INPP5F: variants seen among roughly 807,000 people sequenced by gnomAD.
INPP5F encodes phosphatidylinositide 4-phosphatase SAC2.
In INPP5F, 97 loss-of-function variants were observed where a neutral mutation model predicts 137.2. The observed-to-expected ratio is 0.71, with a 90% CI of 0.60 to 0.84. The LOEUF (loss-of-function observed/expected upper bound fraction) is 0.84, where lower values mean the gene tolerates loss of function less well. Ranked by LOEUF, INPP5F falls within the 40% of genes least tolerant of loss-of-function variation. The pLI, the probability that INPP5F is intolerant of heterozygous loss-of-function variation, is 0.00. For missense variants in INPP5F, 1,271 were observed against 1,371.9 expected, an observed-to-expected ratio of 0.93 and a Z score of 1.16; for synonymous variants, 504 against 476.9, an observed-to-expected ratio of 1.06 and a Z score of -0.74.
intron 1 of INPP5F, among the ~76,000 whole-genome samples, chr10:119,750,854 C>T (rs1226350380): frequency 1.3e-5 from 2 of 152,196 alleles, no homozygotes; most frequent in East Asian, 3.8e-4. Flanking sequence ...CTGAATGTTA[C>T]TGCTTTCCCC....
intron 2 of INPP5F, among the ~76,000 whole-genome samples, chr10:119,779,103 A>G (rs761171614): frequency 6.6e-6 from 1 of 152,126 alleles, no homozygotes; most frequent in Non-Finnish European, 1.5e-5. Flanking sequence ...TTGTTTTTGT[A>G]CAAATGGGTG....
At position 119,821,667 on chromosome 10, in the gene INPP5F, T is replaced by A. The variant is rs147050145; in HGVS notation, c.1958+750T>A. Among the ~76,000 whole-genome samples the A allele has an allele frequency of 4.4e-3, 670 of 152,262 alleles. 4 individuals are homozygous for A. The highest frequency in any genetic ancestry group is 0.015 in the African/African-American group (633 of 41,532). On this transcript the variant is annotated intron_variant, in intron 16 of 19. Transcript: ENST00000650623. ...ATTTAACAGCTGTATTGTTCCCAAA[T>A]ACATAGTTTGTTTCTCTTTCTGTCT...
chr10:119,785,159 TATAAGCC>T (rs1000085545), intron 3 of INPP5F, among the ~76,000 whole-genome samples: 2 of 152,122 alleles, frequency 1.3e-5, no homozygotes, highest in African/African-American at 4.8e-5. Context: ...ATAATGCTAT[TATAAGCC>T]ATTTTGCATA....
At chr10:119,809,095 C>T (rs1289025681) in intron 13 of INPP5F, among the ~76,000 whole-genome samples, 5 of 151,980 alleles carry the variant, frequency 3.3e-5, no homozygotes, top group African/African-American at 9.7e-5. Context: ...TGGTGGCGTG[C>T]GCCTGTAATC....
intron 1 of INPP5F, among the ~76,000 whole-genome samples, chr10:119,729,446 C>T (rs1354255328): frequency 6.6e-6 from 1 of 152,086 alleles, no homozygotes; most frequent in Non-Finnish European, 1.5e-5. Context: ...TGCGCCTGGC[C>T]TCTTTTTAGG....
rs553472893 is a variant in INPP5F at position 119,726,838 on chromosome 10, T to G, written c.97+479T>G. 3.3e-4 allele frequency among the ~76,000 whole-genome samples: 51 copies of G among 152,384 alleles called. No individual in the cohort carries two copies. In the South Asian group the frequency reaches 0.01, roughly 30 times the overall value. ...TCCCTGTTGCCATCCCGTGTGTTCT[T>G]GGTCCCTTATTATTAAAGGTGTGAC... On this transcript the variant is annotated intron_variant, in intron 1 of 19. Transcript: ENST00000650623.
At chr10:119,805,800 T>C (rs1285525462) in intron 11 of INPP5F, among the ~76,000 whole-genome samples, 2 of 152,242 alleles carry the variant, frequency 1.3e-5, no homozygotes, top group African/African-American at 2.4e-5. Context: ...AGAGGTACTT[T>C]GTCTCAGTTT....
chr10:119,765,461 G>A (rs1351845902), intron 2 of INPP5F, among the ~76,000 whole-genome samples: 1 of 151,844 alleles, frequency 6.6e-6, no homozygotes, highest in Non-Finnish European at 1.5e-5. Context: ...AGCCTCGACT[G>A]CCTAGGTTCA....
intron 2 of INPP5F, 45 bp downstream of exon 2, chr10:119,751,201 AT>A (rs753433942): frequency 2.5e-6 from 3 of 1,196,184 alleles, no homozygotes; most frequent in Admixed American, 1.7e-5. Flanking sequence ...TTATTGTAGC[AT>A]TTTTTGGTGT....
intron 17 of INPP5F, 26 bp from the exon 18 acceptor site, chr10:119,823,045 T>G: frequency 6.3e-7 from 1 of 1,598,056 alleles, no homozygotes; most frequent in African/African-American, 1.3e-5. Context: ...ACATTTAACT[T>G]TATACGTATT....
chr10:119,827,697 G>T lies in INPP5F; in HGVS notation c.3316G>T (p.Glu1106Ter). ...AVSKVQKSPP[E>*]PEIINQVQQN... Reference sequence around the variant, plus strand: ...GTCAAAAGTTCAGAAGAGTCCTCCAGAACCTGAAATCATTAATCAAGTCCA... The same window carrying T: ...GTCAAAAGTTCAGAAGAGTCCTCCATAACCTGAAATCATTAATCAAGTCCA... Residue 1106 changes from glutamate to a stop codon, truncating the protein, a stop_gained, in exon 20 of 20, where the codon GAA becomes TAA. Transcript: ENST00000650623. LOFTEE classifies it high-confidence loss of function. 1 of 1,613,892 alleles carries T rather than the reference G, an allele frequency of 6.2e-7. No individual in the cohort carries two copies. The highest frequency in any genetic ancestry group is 8.5e-7 in the Non-Finnish European group (1 of 1,179,806).
At chr10:119,775,688 A>T (rs771321320) in intron 2 of INPP5F, among the ~76,000 whole-genome samples, 1 of 152,126 alleles carries the variant, frequency 6.6e-6, no homozygotes, top group African/African-American at 2.4e-5. Flanking sequence ...GTTGAACATC[A>T]TAGAAGACTG....
chr10:119,826,851 C>A lies in INPP5F; in HGVS notation c.2470C>A (p.Leu824Ile), dbSNP rs189174331. Residue 824 changes from leucine to isoleucine, a missense_variant, in exon 20 of 20, where the codon CTT (leucine) becomes ATT (isoleucine). By Grantham distance (5) the Leu-to-Ile change is conservative. Around this residue, in one of 6 missense-constraint regions of INPP5F, gnomAD observed 490 missense variants for 443.7 expected, o/e 1.10. Coordinates refer to ENST00000650623, the MANE Select transcript of INPP5F (RefSeq NM_014937.4). ...TCTAAAACCAAACTTAAAAGTAAAT[C>A]TTTGGAAATCAGATAGTAGTCTTGA... is the stretch of plus-strand genomic sequence containing the variant. ...NFLKPNLKVN[L>I]WKSDSSLETM... 13 of 1,613,720 alleles carry A rather than the reference C, an allele frequency of 8.1e-6. No individual in the cohort carries two copies. The highest frequency in any genetic ancestry group is 1.0e-5 in the Non-Finnish European group (12 of 1,179,874).
intron 6 of INPP5F, among the ~76,000 whole-genome samples, chr10:119,794,332 G>C (rs1298827345): frequency 1.3e-5 from 2 of 152,070 alleles, no homozygotes; most frequent in Non-Finnish European, 2.9e-5. Flanking sequence ...CACAGGGTTG[G>C]GGGGTAAGGT....
chr10:119,797,513 T>C lies in INPP5F; in HGVS notation c.921T>C (p.Tyr307=), dbSNP rs1223930958. Residue 307 remains tyrosine (Y), a synonymous_variant, in exon 8 of 20, where the codon TAT becomes TAC. Transcript: ENST00000650623. ...ATAAAAATGGAAATGTTGCCAATTA[T>C]GTGGAGACTGAGCAGTTGATTCATG... is the stretch of plus-strand genomic sequence containing the variant. ...GVDKNGNVAN[Y]VETEQLIHVH... 5.6e-6 allele frequency: 9 copies of C among 1,612,690 alleles called. No homozygotes were observed. Among genetic ancestry groups the C allele is most frequent in the Middle Eastern group, 1.6e-4 (1 of 6,084 alleles).
In INPP5F at chr10:119,811,879, C is replaced by A. The variant is rs755353285; in HGVS notation, c.1810C>A (p.Gln604Lys). 3 of 1,614,144 alleles carry A rather than the reference C, an allele frequency of 1.9e-6. No homozygotes were observed. The highest frequency in any genetic ancestry group is 1.7e-5 in the Admixed American group (1 of 60,024). Residue 604 changes from glutamine to lysine, a missense_variant, in exon 15 of 20, where the codon CAA becomes AAA. By Grantham distance (53) the Gln-to-Lys change is moderately conservative. Coordinates refer to ENST00000650623, the MANE Select transcript of INPP5F (RefSeq NM_014937.4). ...CCAGGAACTAATTAGCCAGCTCTTA[C>A]AAAGTTACATGAAGTTACTACTGCC... Reference protein sequence around the residue: ...SHQELISQLLQSYMKLLLPDD... With the variant: ...SHQELISQLLKSYMKLLLPDD...
chr10:119,812,057 C>T, intron 15 of INPP5F, 102 bp downstream of exon 15: 1 of 886,486 alleles, frequency 1.1e-6, no homozygotes. Context: ...GGCATGGATG[C>T]ATGGCGCGTG....
Position 119,751,155 on chromosome 10 carries a change from A to C in INPP5F, c.177A>C (p.Ser59=), listed in dbSNP as rs764200151. The change falls in exon 2 of 20, where the codon TCA becomes TCC. Residue 59 remains serine (S), a splice_region_variant and synonymous_variant. Coordinates refer to ENST00000650623, the MANE Select transcript of INPP5F (RefSeq NM_014937.4). ...TTATTGGGAAAATTCAACTTCATTC[A>C]GGTATGTTTCTATAAACTCCTTAAA... The part of the protein sequence containing the change: ...EGVIGKIQLH[S]DLPWWLILIR... 3 of 1,586,136 alleles carry C rather than the reference A, an allele frequency of 1.9e-6. No homozygotes were observed. The South Asian group carries it at 3.3e-5, about 18-fold the overall frequency.
chr10:119,781,352 C>T (rs1461384523), intron 2 of INPP5F, among the ~76,000 whole-genome samples: 5 of 152,194 alleles, frequency 3.3e-5, no homozygotes, highest in Non-Finnish European at 7.3e-5. Flanking sequence ...CTCACAGTCT[C>T]GCCAGCACAT....
Sources: gnomAD v4.1 joint callset for allele counts (sites outside exome capture counted in the v4.1 genomes callset) on GRCh38, gnomAD v4.1.1 for gene constraint, gnomAD v4.1.1 regional missense constraint, MANE v1.5 for transcripts, NCBI Gene and HGNC (gene_info 2026-07-23, HGNC 2026-07-21) for gene names.